AUTS2: variants seen among roughly 807,000 people sequenced by gnomAD.
AUTS2 encodes the protein autism susceptibility gene 2 protein.
AUTS2 carries 17 observed loss-of-function variants against 112.4 expected under a neutral mutation model. The observed-to-expected ratio is 0.15, with a 90% CI of 0.10 to 0.23. The LOEUF (loss-of-function observed/expected upper bound fraction) is 0.23. AUTS2 is among the 10% of genes least tolerant of loss of function. The pLI is 1.00. For missense variants in AUTS2, 1,510 were observed against 1,701.6 expected (o/e 0.89, Z 1.98); for synonymous variants, 751 against 702.7 (o/e 1.07, Z -1.09).
intron 1 of AUTS2, among the ~76,000 whole-genome samples, chr7:69,806,995 T>G (rs903008111): frequency 1.3e-5 from 2 of 152,256 alleles, no homozygotes; most frequent in South Asian, 4.1e-4. Context: ...AGCTGGAAAT[T>G]TTAAACGTGT....
chr7:70,739,357 T>C (rs1787967997), intron 6 of AUTS2, among the ~76,000 whole-genome samples: 1 of 150,250 alleles, frequency 6.7e-6, no homozygotes, highest in Admixed American at 6.6e-5. Flanking sequence ...TTTTTTTTTT[T>C]TTTGTAGAGA....
chr7:70,648,157 A>G (rs1340110027), intron 5 of AUTS2, among the ~76,000 whole-genome samples: 1 of 152,190 alleles, frequency 6.6e-6, no homozygotes, highest in African/African-American at 2.4e-5. Flanking sequence ...AAACACATGA[A>G]GAGTCTAGAA....
intron 6 of AUTS2, among the ~76,000 whole-genome samples, chr7:70,703,377 T>G (rs1402286235): frequency 6.6e-6 from 1 of 151,236 alleles, no homozygotes; most frequent in Non-Finnish European, 1.5e-5. Context: ...GTATTTGTAG[T>G]CTCAGCTACT....
chr7:70,144,225 G>A (rs1184353926), intron 4 of AUTS2, among the ~76,000 whole-genome samples: 1 of 151,984 alleles, frequency 6.6e-6, no homozygotes, highest in Non-Finnish European at 1.5e-5. Context: ...ACTCAACTTT[G>A]CCAAGAGAAC....
In AUTS2 at chr7:70,792,608, G is replaced by A. The variant is rs1227847957; in HGVS notation, c.*1612G>A. ...TCAGATTTTGTGAACTCCAGATGTTGTGCGGTGTTTTTTTTTTTTTTTAAG... is the reference window on the plus strand; with the variant it reads ...TCAGATTTTGTGAACTCCAGATGTTATGCGGTGTTTTTTTTTTTTTTTAAG... On this transcript the variant is annotated 3_prime_UTR_variant, in exon 19 of 19. Coordinates refer to ENST00000342771, the MANE Select transcript of AUTS2 (RefSeq NM_015570.4). The A allele has an allele frequency of 4.8e-5, 7 of 145,106 alleles. No homozygotes were observed. The highest frequency in any genetic ancestry group is 9.0e-5 in the Non-Finnish European group (6 of 66,908). 9.0% of individuals were successfully genotyped at this position (145,106 alleles called of 1,614,324 possible). A position where few individuals can be genotyped will look rare whatever the true frequency, so the allele number is the denominator to read the frequency against.
rs562262550 is a variant in AUTS2 at position 69,740,305 on chromosome 7, T to C, written c.309+140343T>C. On this transcript the variant is annotated intron_variant, in intron 1 of 18. Coordinates refer to ENST00000342771, the MANE Select transcript of AUTS2 (RefSeq NM_015570.4). ...TTAGACAGGAAAGAATGACAGCTGA[T>C]GTGCAAGAATTTTTCTTGATTGGCA... Among the ~76,000 whole-genome samples the C allele has an allele frequency of 5.3e-4, 81 of 152,282 alleles. 2 individuals are homozygous for C. The South Asian group carries it at 0.016, about 31-fold the overall frequency.
At chr7:70,294,401 T>G (rs953159626) in intron 4 of AUTS2, among the ~76,000 whole-genome samples, 1 of 152,208 alleles carries the variant, frequency 6.6e-6, no homozygotes, top group Non-Finnish European at 1.5e-5. Context: ...CTGCATCCTC[T>G]CTTCCTTTCC....
intron 4 of AUTS2, among the ~76,000 whole-genome samples, chr7:70,231,000 A>G (rs1349035536): frequency 2.0e-5 from 3 of 152,252 alleles, no homozygotes; most frequent in Non-Finnish European, 4.4e-5. Context: ...GTAGCACCGC[A>G]CTAAAGTGCT....
At position 70,777,124 on chromosome 7, in the gene AUTS2, A is replaced by G; in HGVS notation, c.1954A>G (p.Met652Val). 1 of 1,614,130 alleles carries G rather than the reference A, an allele frequency of 6.2e-7. No individual in the cohort carries two copies. The highest frequency in any genetic ancestry group is 1.3e-5 in the African/African-American group (1 of 75,034). Residue 652 changes from methionine to valine, a missense_variant, in exon 14 of 19, where the codon ATG (methionine) becomes GTG (valine). This residue lies in a region of AUTS2 where 187 missense variants were observed against 309.7 expected (regional missense o/e 0.60). Coordinates refer to ENST00000342771, the MANE Select transcript of AUTS2 (RefSeq NM_015570.4). ...MLRKPGKWCA[M>V]HVHIAWQIYH... ...CCAGAAACCAGGGAAGTGGTGTGCT[A>G]TGCATGTTCACATCGCCTGGCAGAT...
intron 1 of AUTS2, among the ~76,000 whole-genome samples, chr7:69,694,699 G>A (rs1797481436): frequency 6.6e-6 from 1 of 152,170 alleles, no homozygotes; most frequent in Non-Finnish European, 1.5e-5. Flanking sequence ...GTATTTGGGT[G>A]CTTAGTGGAC....
At chr7:69,959,211 G>A (rs547032205) in intron 2 of AUTS2, among the ~76,000 whole-genome samples, 214 of 152,052 alleles carry the variant, frequency 1.4e-3, no homozygotes, top group Middle Eastern at 6.8e-3. Context: ...CAAAACTCTC[G>A]TATTGTTCCT....
At chr7:69,877,898 C>T (rs771314382) in intron 1 of AUTS2, among the ~76,000 whole-genome samples, 1 of 152,126 alleles carries the variant, frequency 6.6e-6, no homozygotes, top group Non-Finnish European at 1.5e-5. Flanking sequence ...GTGTGCAGGA[C>T]ATCACCAGAG....
At chr7:70,437,154 G>A (rs1190747878) in intron 5 of AUTS2, 1 of 152,250 alleles carries the variant, frequency 6.6e-6, no homozygotes, top group Non-Finnish European at 1.5e-5. Flanking sequence ...GTAATGGGCT[G>A]TTGGATGACA....
At chr7:69,773,896 C>G (rs77980372) in intron 1 of AUTS2, among the ~76,000 whole-genome samples, 280 of 152,366 alleles carry the variant, frequency 1.8e-3, no homozygotes, top group African/African-American at 6.6e-3. Context: ...GTCGAACACC[C>G]TAACTTGGAG....
In AUTS2 at chr7:70,060,168, G is replaced by A. The variant is rs1488126202; in HGVS notation, c.523-57964G>A. ...TAGGTTTTAATAACATTGAACAAAG[G>A]GTTAAATTTTTTAAAAAGTTTTTGT... On this transcript the variant is annotated intron_variant, in intron 2 of 18. Transcript: ENST00000342771. Among the ~76,000 whole-genome samples, 8 of 152,058 alleles carry A rather than the reference G, an allele frequency of 5.3e-5. No homozygotes were observed. In the East Asian group the frequency reaches 1.5e-3, roughly 29 times the overall value.
At chr7:69,996,885 G>A (rs530469298) in intron 2 of AUTS2, among the ~76,000 whole-genome samples, 18 of 145,140 alleles carry the variant, frequency 1.2e-4, no homozygotes, top group East Asian at 4.1e-4. Context: ...AAATCTGGGC[G>A]TTAGAATCTC....
rs35551743 is a variant in AUTS2 at position 69,996,749 on chromosome 7, ACTCC to A, written c.522+97253_522+97256del. Among the ~76,000 whole-genome samples the A allele has an allele frequency of 3.0e-3, 460 of 151,856 alleles. 1 individual carries two copies. Among genetic ancestry groups the A allele is most frequent in the Non-Finnish European group, 5.0e-3 (341 of 67,970 alleles). The stretch of plus-strand genomic sequence containing the variant: ...GTTGTAGTATATATCTTTAATAAAT[ACTCC>A]CCTGCTATATTTGTTAAACTATAAT... On this transcript the variant is annotated intron_variant, in intron 2 of 18. Transcript: ENST00000342771.
At chr7:69,943,485 T>C (rs1796700776) in intron 2 of AUTS2, among the ~76,000 whole-genome samples, 1 of 152,210 alleles carries the variant, frequency 6.6e-6, no homozygotes, top group African/African-American at 2.4e-5. Context: ...GCAGGAAATA[T>C]TGGTATTTGT....
intron 4 of AUTS2, among the ~76,000 whole-genome samples, chr7:70,331,090 T>C (rs1310525130): frequency 3.3e-5 from 5 of 152,140 alleles, no homozygotes; most frequent in African/African-American, 4.8e-5. Context: ...AGTCCCTTTT[T>C]TTCTATTGTT....
Sources: allele counts gnomAD v4.1 joint callset (sites outside exome capture counted in the v4.1 genomes callset), GRCh38; gene constraint gnomAD v4.1.1; regional missense constraint gnomAD v4.1.1; transcripts MANE v1.5; gene names NCBI Gene and HGNC (gene_info 2026-07-23, HGNC 2026-07-21).